The following GRHL2 variants were observed in gnomAD, a reference collection of about 807,000 sequenced individuals.
GRHL2 encodes grainyhead like transcription factor 2.
Under a neutral mutation model 83.8 loss-of-function variants are expected in GRHL2, and 21 were observed. The ratio of observed to expected loss-of-function variants is 0.25; its 90% confidence interval spans 0.18 to 0.36. The LOEUF (loss-of-function observed/expected upper bound fraction) is 0.36, where lower values mean the gene tolerates loss of function less well. Ranked by LOEUF, GRHL2 falls within the 10% of genes least tolerant of loss-of-function variation. GRHL2 has a pLI of 1.00. For synonymous variants in GRHL2, 280 were observed against 278.9 expected (o/e 1.00, Z -0.04); for missense variants, 623 against 781.8 (o/e 0.80, Z 2.42).
At chr8:101,620,168 T>A (rs910507038) in intron 9 of GRHL2, among the ~76,000 whole-genome samples, 3 of 152,192 alleles carry the variant, frequency 2.0e-5, no homozygotes, top group African/African-American at 7.2e-5. Flanking sequence ...TGTCTCTTTT[T>A]CTAAGGACAC....
chr8:101,587,275 C>T (rs973109337), intron 7 of GRHL2, among the ~76,000 whole-genome samples: 6 of 152,124 alleles, frequency 3.9e-5, no homozygotes, highest in African/African-American at 1.2e-4. Flanking sequence ...GAGCAGTTAA[C>T]CAGAAGGAAT....
intron 1 of GRHL2, among the ~76,000 whole-genome samples, chr8:101,498,368 C>T (rs1156524302): frequency 6.6e-6 from 1 of 152,174 alleles, no homozygotes; most frequent in African/African-American, 2.4e-5. Context: ...GATCCACCCA[C>T]CTTAGCCTCC....
chr8:101,528,931 C>T (rs1045267912), intron 1 of GRHL2: 3 of 294,690 alleles, frequency 1.0e-5, no homozygotes, highest in South Asian at 3.1e-5. Context: ...CCTAGCTGCC[C>T]GGGCAGTTTT....
intron 7 of GRHL2, among the ~76,000 whole-genome samples, chr8:101,585,366 T>C (rs78614623): frequency 0.029 from 4,358 of 152,258 alleles, 102 homozygotes; most frequent in Non-Finnish European, 0.041. Flanking sequence ...TGAATAGATA[T>C]GAAAAATAAA....
In GRHL2 at chr8:101,592,131, G is replaced by A. The variant is rs1812299832; in HGVS notation, c.1004-6926G>A. ...TTTTTTTTTTTTTTTTTGAGACAGA[G>A]TCTTGCTCTGTCGCCCAGGCTGGAG... On this transcript the variant is annotated intron_variant, in intron 7 of 15. Coordinates refer to ENST00000646743, the MANE Select transcript of GRHL2 (RefSeq NM_024915.4). Among the ~76,000 whole-genome samples, 5 of 102,844 alleles carry A rather than the reference G, an allele frequency of 4.9e-5. No individual in the cohort carries two copies. In the Admixed American group the frequency reaches 7.1e-4, roughly 15 times the overall value. The allele number at this position is 102,844 out of a possible 152,430, so 67.5% of individuals were successfully genotyped here.
intron 4 of GRHL2, among the ~76,000 whole-genome samples, chr8:101,564,028 TA>T (rs1010520363): frequency 4.6e-5 from 7 of 152,228 alleles, no homozygotes; most frequent in Non-Finnish European, 1.0e-4. Flanking sequence ...GTTTGTATTG[TA>T]GATAAAGAGG....
chr8:101,599,950 C>T (rs1387594016), intron 8 of GRHL2, among the ~76,000 whole-genome samples: 1 of 152,160 alleles, frequency 6.6e-6, no homozygotes, highest in Non-Finnish European at 1.5e-5. Context: ...CAGATGAAAC[C>T]TAAGCTTGTT....
At chr8:101,615,252 T>C (rs567529442) in intron 8 of GRHL2, among the ~76,000 whole-genome samples, 1 of 152,338 alleles carries the variant, frequency 6.6e-6, no homozygotes, top group African/African-American at 2.4e-5. Context: ...GTGGATCTGG[T>C]GGGTCTGTCC....
intron 8 of GRHL2, among the ~76,000 whole-genome samples, chr8:101,600,213 GAT>G (rs1259123190): frequency 5.9e-5 from 9 of 152,306 alleles, no homozygotes; most frequent in African/African-American, 1.9e-4. Context: ...GGCAAGTGGT[GAT>G]AGAGTGCCCG....
intron 4 of GRHL2, among the ~76,000 whole-genome samples, chr8:101,561,122 C>A (rs534257204): frequency 2.0e-5 from 3 of 148,850 alleles, no homozygotes; most frequent in Non-Finnish European, 4.5e-5. Context: ...AGTTTCATGT[C>A]TTTCATGTAG....
intron 13 of GRHL2, among the ~76,000 whole-genome samples, chr8:101,647,362 C>T (rs1245772355): frequency 1.3e-5 from 2 of 151,698 alleles, no homozygotes; most frequent in African/African-American, 4.9e-5. Context: ...GACTCTGTCT[C>T]AAAGAAAAAG....
intron 1 of GRHL2, among the ~76,000 whole-genome samples, chr8:101,520,463 T>A (rs1810660614): frequency 6.6e-6 from 1 of 152,140 alleles, no homozygotes; most frequent in African/African-American, 2.4e-5. Flanking sequence ...TAATCCTTAG[T>A]TTATCCTTCC....
chr8:101,587,828 C>G (rs1158673503), intron 7 of GRHL2, among the ~76,000 whole-genome samples: 1 of 152,128 alleles, frequency 6.6e-6, no homozygotes, highest in Non-Finnish European at 1.5e-5. Flanking sequence ...ATTCAGCCAC[C>G]CTCTAGCATT....
chr8:101,511,113 T>A (rs111738350), intron 1 of GRHL2, among the ~76,000 whole-genome samples: 6,107 of 151,442 alleles, frequency 0.04, 210 homozygotes, highest in African/African-American at 0.086. Flanking sequence ...AAAAAAAAAA[T>A]TTTTTTTCAC....
chr8:101,551,316 G>A (rs1290050534), intron 2 of GRHL2, among the ~76,000 whole-genome samples: 1 of 152,100 alleles, frequency 6.6e-6, no homozygotes, highest in African/African-American at 2.4e-5. Context: ...TGAGATAAGG[G>A]ACTATTGTTA....
chr8:101,584,020 C>T (rs1197810400), intron 7 of GRHL2, among the ~76,000 whole-genome samples: 1 of 152,214 alleles, frequency 6.6e-6, no homozygotes, highest in Admixed American at 6.5e-5. Context: ...CCTGATTCCA[C>T]AAACACATCC....
chr8:101,527,609 A>C (rs1462380811), intron 1 of GRHL2, among the ~76,000 whole-genome samples: 1 of 152,228 alleles, frequency 6.6e-6, no homozygotes, highest in Non-Finnish European at 1.5e-5. Flanking sequence ...CATTTCTGTG[A>C]TCAGAAATCA....
At chr8:101,507,556 T>C (rs1294136100) in intron 1 of GRHL2, among the ~76,000 whole-genome samples, 1 of 152,166 alleles carries the variant, frequency 6.6e-6, no homozygotes, top group Non-Finnish European at 1.5e-5. Context: ...AATTACACTA[T>C]GTATGAAAAG....
chr8:101,580,730 A>G (rs1812034322), intron 7 of GRHL2, among the ~76,000 whole-genome samples: 1 of 151,954 alleles, frequency 6.6e-6, no homozygotes, highest in Admixed American at 6.6e-5. Flanking sequence ...TTGAGACGGC[A>G]TCTTGCTCTG....
Sources: gnomAD v4.1 joint callset for allele counts (sites outside exome capture counted in the v4.1 genomes callset) on GRCh38, gnomAD v4.1.1 for gene constraint, MANE v1.5 for transcripts, NCBI Gene and HGNC (gene_info 2026-07-23, HGNC 2026-07-21) for gene names.